NTM: variants seen among roughly 807,000 people sequenced by gnomAD.
NTM encodes IgLON family member 2.
NTM carries 13 observed loss-of-function variants against 42.1 expected under a neutral mutation model. The observed-to-expected ratio is 0.31, with a 90% CI of 0.20 to 0.49. NTM has a LOEUF of 0.49. NTM is among the 20% of genes least tolerant of loss of function. The pLI is 0.99. For synonymous variants in NTM, 187 were observed against 179.2 expected (o/e 1.04, Z -0.35); for missense variants, 373 against 452.8 (o/e 0.82, Z 1.60).
At chr11:132,008,254 G>T (rs1160913766) in intron 2 of NTM, among the ~76,000 whole-genome samples, 4 of 152,160 alleles carry the variant, frequency 2.6e-5, no homozygotes, top group South Asian at 4.2e-4. Flanking sequence ...CTTTGGACAA[G>T]GTTTGCATTT....
chr11:132,072,777 C>G (rs912110822), intron 2 of NTM, among the ~76,000 whole-genome samples: 1 of 152,142 alleles, frequency 6.6e-6, no homozygotes, highest in Non-Finnish European at 1.5e-5. Flanking sequence ...GCACAGGGGC[C>G]TCTGCGGGAC....
At chr11:131,620,850 GT>G (rs778126637) in intron 1 of NTM, among the ~76,000 whole-genome samples, 2 of 152,194 alleles carry the variant, frequency 1.3e-5, no homozygotes, top group Non-Finnish European at 2.9e-5. Context: ...GATAGCAGCA[GT>G]TTTGTCTGTC....
chr11:131,795,492 G>A, intron 1 of NTM: 2 of 985,402 alleles, frequency 2.0e-6, no homozygotes, highest in East Asian at 1.1e-4. Flanking sequence ...CCTCCAAGCT[G>A]CCCTTTATTG....
intron 2 of NTM, among the ~76,000 whole-genome samples, chr11:131,974,487 T>G (rs1288761365): frequency 6.6e-6 from 1 of 152,202 alleles, no homozygotes; most frequent in Non-Finnish European, 1.5e-5. Context: ...CTTATACCTC[T>G]TTGCTCTCAT....
At chr11:131,982,184 A>AG (rs2065350363) in intron 2 of NTM, among the ~76,000 whole-genome samples, 3 of 151,748 alleles carry the variant, frequency 2.0e-5, no homozygotes, top group South Asian at 4.2e-4. Flanking sequence ...GGGTGGAGGG[A>AG]GGGGGGACTT....
chr11:131,843,922 T>C (rs912708014), intron 1 of NTM, among the ~76,000 whole-genome samples: 6 of 152,140 alleles, frequency 3.9e-5, no homozygotes, highest in Admixed American at 1.3e-4. Context: ...CGATATGAAT[T>C]CTTTTTTACA....
Position 132,069,422 on chromosome 11 carries a change from G to A in NTM, c.168-76860G>A, listed in dbSNP as rs1442268476. On this transcript the variant is annotated intron_variant, in intron 2 of 8. Transcript: ENST00000683400. Reference sequence around the variant, plus strand: ...TTAACACGTCAAACTGACTGTCACCGGTTAGTTAACACGTCACACAGCCAA... The same window carrying A: ...TTAACACGTCAAACTGACTGTCACCAGTTAGTTAACACGTCACACAGCCAA... Among the ~76,000 whole-genome samples the A allele has an allele frequency of 4.0e-4, 48 of 120,392 alleles. 5 individuals are homozygous for A. Among genetic ancestry groups the A allele is most frequent in the Non-Finnish European group, 3.5e-5 (2 of 57,922 alleles). 79.0% of individuals were successfully genotyped at this position (120,392 alleles called of 152,430 possible). A position where few individuals can be genotyped will look rare whatever the true frequency, so the allele number is the denominator to read the frequency against.
At chr11:132,225,545 G>A (rs987441118) in intron 4 of NTM, among the ~76,000 whole-genome samples, 2 of 152,310 alleles carry the variant, frequency 1.3e-5, no homozygotes, top group Admixed American at 6.5e-5. Flanking sequence ...GGTGCTCAGG[G>A]AAGTGATGTA....
rs553908245 is a variant in NTM at position 131,948,489 on chromosome 11, C to T, written c.167+36841C>T. ...TCTCATTTACTGAATCGGTGGTGCT[C>T]CTCTGGTGATAGAGGCTTGTTCACA... On this transcript the variant is annotated intron_variant, in intron 2 of 8. Coordinates refer to ENST00000683400, the MANE Select transcript of NTM (RefSeq NM_001352005.2). Among the ~76,000 whole-genome samples, 127 of 152,328 alleles carry T rather than the reference C, an allele frequency of 8.3e-4. 1 individual carries two copies. Among genetic ancestry groups the T allele is most frequent in the Non-Finnish European group, 1.6e-3 (108 of 68,030 alleles).
At chr11:131,783,842 A>G (rs1035176434) in intron 1 of NTM, among the ~76,000 whole-genome samples, 1 of 152,180 alleles carries the variant, frequency 6.6e-6, no homozygotes, top group African/African-American at 2.4e-5. Context: ...GAAAATGACA[A>G]GATAAGACAC....
chr11:131,858,374 G>T (rs1216160013), intron 1 of NTM, among the ~76,000 whole-genome samples: 4 of 134,802 alleles, frequency 3.0e-5, no homozygotes, highest in Non-Finnish European at 6.3e-5. Flanking sequence ...TGCAATTATT[G>T]AAATATTTAT....
intron 1 of NTM, among the ~76,000 whole-genome samples, chr11:131,774,924 C>T (rs2086723320): frequency 6.6e-6 from 1 of 152,220 alleles, no homozygotes; most frequent in Admixed American, 6.5e-5. Flanking sequence ...TTTCCCCTTT[C>T]TCTTCCTCTC....
chr11:131,900,669 AAGAG>A (rs917270417), intron 1 of NTM, among the ~76,000 whole-genome samples: 81 of 150,738 alleles, frequency 5.4e-4, no homozygotes, highest in African/African-American at 1.7e-3. Flanking sequence ...GAGAGAGAGA[AAGAG>A]AGAGAGAGAG....
chr11:131,606,209 T>C (rs1430629066), intron 1 of NTM, among the ~76,000 whole-genome samples: 1 of 152,098 alleles, frequency 6.6e-6, no homozygotes, highest in Non-Finnish European at 1.5e-5. Context: ...CACACCACCA[T>C]GCTGGTGTAT....
chr11:132,239,663 C>A (rs2089802164), intron 4 of NTM, among the ~76,000 whole-genome samples: 1 of 152,158 alleles, frequency 6.6e-6, no homozygotes, highest in Non-Finnish European at 1.5e-5. Flanking sequence ...CCCTCCCAAA[C>A]CTTTTTATTG....
intron 1 of NTM, among the ~76,000 whole-genome samples, chr11:131,584,643 A>G (rs1293425176): frequency 6.6e-6 from 1 of 152,184 alleles, no homozygotes; most frequent in Non-Finnish European, 1.5e-5. Flanking sequence ...AAAATGATGT[A>G]AATACCCAAA....
At chr11:132,063,190 C>G (rs1306763727) in intron 2 of NTM, among the ~76,000 whole-genome samples, 1 of 152,162 alleles carries the variant, frequency 6.6e-6, no homozygotes, top group Non-Finnish European at 1.5e-5. Flanking sequence ...TTTTGGGAGC[C>G]TCTGGGAAGT....
At chr11:131,763,062 C>G (rs1003587825) in intron 1 of NTM, among the ~76,000 whole-genome samples, 1 of 152,182 alleles carries the variant, frequency 6.6e-6, no homozygotes, top group African/African-American at 2.4e-5. Context: ...TTTGGCATCC[C>G]AATCTGAACT....
chr11:131,479,048 A>G (rs1169864575), intron 1 of NTM, among the ~76,000 whole-genome samples: 1 of 152,234 alleles, frequency 6.6e-6, no homozygotes, highest in Non-Finnish European at 1.5e-5. Flanking sequence ...CAGGGGCTTA[A>G]TAAAGCCTTG....
Sources: allele counts gnomAD v4.1 joint callset (sites outside exome capture counted in the v4.1 genomes callset), GRCh38; gene constraint gnomAD v4.1.1; transcripts MANE v1.5; gene names NCBI Gene and HGNC (gene_info 2026-07-23, HGNC 2026-07-21).